CCDC178: variants seen among roughly 807,000 people sequenced by gnomAD.
CCDC178 encodes coiled-coil domain containing 178.
Under a neutral mutation model 117.4 loss-of-function variants are expected in CCDC178, and 126 were observed. The observed-to-expected ratio is 1.07, with a 90% CI of 0.93 to 1.24. The LOEUF is 1.24. Among genes scored for constraint, CCDC178 ranks in the 50% most tolerant of loss-of-function variants. The probability of loss-of-function intolerance (pLI) is 0.00; values close to 1 mark genes in which losing one functional copy is unlikely to be tolerated. For synonymous variants in CCDC178, 283 were observed against 313.4 expected (o/e 0.90, Z 1.02); for missense variants, 1,030 against 986.9 (o/e 1.04, Z -0.59).
At chr18:33,231,781 T>C (rs2059371562) in intron 15 of CCDC178, among the ~76,000 whole-genome samples, 1 of 152,132 alleles carries the variant, frequency 6.6e-6, no homozygotes, top group African/African-American at 2.4e-5. Context: ...ATCAAGTCTC[T>C]CCAGCAACAC....
rs570257620 is a variant in CCDC178, at chr18:33,245,215, ATGAG to A, written c.1593+26_1593+29del. 8.3e-5 allele frequency: 123 copies of A among 1,476,658 alleles called. No individual in the cohort carries two copies. In the South Asian group the frequency reaches 1.7e-3, roughly 20 times the overall value. 91.5% of individuals were successfully genotyped at this position (1,476,658 alleles called of 1,614,324 possible). On this transcript the variant is annotated intron_variant, in intron 15 of 22. Coordinates refer to ENST00000383096, the MANE Select transcript of CCDC178 (RefSeq NM_001105528.4). Reference sequence around the variant, plus strand: ...CAGGTAAATTACTCTTTTTTTCATCATGAGTAAGAGGAACACAAAGATACACAAC... The same window carrying A: ...CAGGTAAATTACTCTTTTTTTCATCATAAGAGGAACACAAAGATACACAAC...
At chr18:32,957,247 G>A (rs1029826677) in intron 22 of CCDC178, among the ~76,000 whole-genome samples, 16 of 152,126 alleles carry the variant, frequency 1.1e-4, no homozygotes, top group Non-Finnish European at 2.2e-4. Flanking sequence ...CAGTCTTGTG[G>A]TATTTGCTAG....
intron 21 of CCDC178, among the ~76,000 whole-genome samples, chr18:33,083,239 C>T (rs1336283051): frequency 6.6e-6 from 1 of 152,166 alleles, no homozygotes; most frequent in Non-Finnish European, 1.5e-5. Context: ...AGCAAAAGGG[C>T]AGGATTCAAA....
At chr18:33,379,436 TG>T (rs537419571) in intron 5 of CCDC178, among the ~76,000 whole-genome samples, 2,296 of 152,208 alleles carry the variant, frequency 0.015, 36 homozygotes, top group Middle Eastern at 0.027. Context: ...TCTTGTTTAC[TG>T]GGAGAAGCTC....
In CCDC178 at chr18:33,215,627, T is replaced by C; in HGVS notation, c.2001A>G (p.Lys667=). 1 of 1,535,132 alleles carries C rather than the reference T, an allele frequency of 6.5e-7. No individual in the cohort carries two copies. Among genetic ancestry groups the C allele is most frequent in the Non-Finnish European group, 8.7e-7 (1 of 1,146,416 alleles). ...TKSKTMIFYA[K]INELNEELKA... ...TTAATTCCTCATTCAATTCATTTAT[T>C]TTTGCATAAAAAATCATTGTCTTAC... The change falls in exon 19 of 23, where the codon AAA becomes AAG. Residue 667 remains lysine, a synonymous_variant. Coordinates refer to ENST00000383096, the MANE Select transcript of CCDC178 (RefSeq NM_001105528.4).
At chr18:33,155,749 GAGA>G (rs1347607426) in intron 20 of CCDC178, among the ~76,000 whole-genome samples, 6 of 152,130 alleles carry the variant, frequency 3.9e-5, no homozygotes, top group Non-Finnish European at 5.9e-5. Context: ...AAGAAAAGTA[GAGA>G]AGGAGACAGG....
At chr18:33,294,240 T>C (rs2062075167) in intron 11 of CCDC178, among the ~76,000 whole-genome samples, 1 of 152,150 alleles carries the variant, frequency 6.6e-6, no homozygotes, top group Admixed American at 6.5e-5. Flanking sequence ...TTATGGTTGT[T>C]TAATGGAGCA....
chr18:33,393,872 G>A (rs1168104178), intron 4 of CCDC178, among the ~76,000 whole-genome samples: 1 of 151,924 alleles, frequency 6.6e-6, no homozygotes, highest in Admixed American at 6.6e-5. Flanking sequence ...GTGTTCAAGT[G>A]TGCATATATA....
chr18:33,009,810 T>C (rs1233932750), intron 21 of CCDC178, among the ~76,000 whole-genome samples: 7 of 152,184 alleles, frequency 4.6e-5, no homozygotes, highest in African/African-American at 1.7e-4. Context: ...ATGGTGTCTC[T>C]GATCCATCAA....
intron 11 of CCDC178, among the ~76,000 whole-genome samples, chr18:33,297,893 T>A (rs1266896442): frequency 6.6e-6 from 1 of 151,882 alleles, no homozygotes; most frequent in Non-Finnish European, 1.5e-5. Context: ...TACAAAAAAA[T>A]TCGCCAGACG....
chr18:33,029,388 G>A (rs1051967184), intron 21 of CCDC178, among the ~76,000 whole-genome samples: 25 of 151,408 alleles, frequency 1.7e-4, no homozygotes, highest in African/African-American at 6.1e-4. Context: ...TTTTCATATT[G>A]CGTCTTTCTT....
chr18:33,312,928 A>G (rs1457408583), intron 11 of CCDC178, among the ~76,000 whole-genome samples: 2 of 152,176 alleles, frequency 1.3e-5, no homozygotes, highest in Non-Finnish European at 2.9e-5. Flanking sequence ...AGTGGGCCAG[A>G]CCTTAAAAGT....
chr18:33,389,511 TTACTA>T, intron 5 of CCDC178, 24 bp downstream of exon 5: 1 of 1,078,140 alleles, frequency 9.3e-7, no homozygotes, highest in Middle Eastern at 2.2e-4. Flanking sequence ...TTTATATAGT[TTACTA>T]TATGATTTAC....
At chr18:33,355,670 G>A (rs140563427) in intron 7 of CCDC178, among the ~76,000 whole-genome samples, 3 of 152,072 alleles carry the variant, frequency 2.0e-5, no homozygotes, top group South Asian at 2.1e-4. Context: ...AGGAATTTTC[G>A]TCTGGTTAAT....
intron 6 of CCDC178, among the ~76,000 whole-genome samples, chr18:33,362,717 A>AT (rs1467223025): frequency 6.6e-6 from 1 of 151,910 alleles, no homozygotes; most frequent in Non-Finnish European, 1.5e-5. Context: ...ACGCAATAAA[A>AT]TTTATTTCAA....
At chr18:32,955,979 A>T (rs558327534) in intron 22 of CCDC178, among the ~76,000 whole-genome samples, 1 of 152,306 alleles carries the variant, frequency 6.6e-6, no homozygotes, top group South Asian at 2.1e-4. Context: ...ATCATGGTCC[A>T]TTCCTGATAC....
rs1318278388 is a variant in CCDC178, at chr18:33,346,399, G to A, written c.470C>T (p.Pro157Leu). ...KPGEKRDEKCPELKQEMETLL... is the reference protein window; with the variant it reads ...KPGEKRDEKCLELKQEMETLL... ...TGTTTCCATTTCCTGCTTTAACTCT[G>A]GACACTTTTCATCTTAAACAGAAAT... Residue 157 changes from proline (P) to leucine (L), a missense_variant, in exon 9 of 23, where the codon CCA (proline) becomes CTA (leucine). By Grantham distance (98) the Pro-to-Leu change is moderately conservative. Transcript: ENST00000383096. The A allele has an allele frequency of 6.2e-7, 1 of 1,607,872 alleles. No homozygotes were observed. Among genetic ancestry groups the A allele is most frequent in the South Asian group, 1.1e-5 (1 of 90,536 alleles).
At chr18:33,184,101 A>G (rs1017352830) in intron 20 of CCDC178, among the ~76,000 whole-genome samples, 2 of 152,138 alleles carry the variant, frequency 1.3e-5, no homozygotes, top group Non-Finnish European at 2.9e-5. Flanking sequence ...ATTTCAAACA[A>G]GAAGGAAAAA....
At chr18:33,204,846 A>G (rs1223969321) in intron 20 of CCDC178, among the ~76,000 whole-genome samples, 1 of 152,120 alleles carries the variant, frequency 6.6e-6, no homozygotes, top group East Asian at 1.9e-4. Context: ...AAAAGACTAA[A>G]CACTTTCTGA....
Sources: gnomAD v4.1 joint callset for allele counts (sites outside exome capture counted in the v4.1 genomes callset) on GRCh38, gnomAD v4.1.1 for gene constraint, MANE v1.5 for transcripts, NCBI Gene and HGNC (gene_info 2026-07-23, HGNC 2026-07-21) for gene names.